The following LINGO2 variants were observed in gnomAD, a reference collection of about 807,000 sequenced individuals.
LINGO2 encodes leucine-rich repeat and immunoglobulin-like domain-containing nogo receptor-interacting protein 2.
Under a neutral mutation model 30.6 loss-of-function variants are expected in LINGO2, and 14 were observed. The observed-to-expected ratio is 0.46, with a 90% CI of 0.30 to 0.72. The LOEUF (loss-of-function observed/expected upper bound fraction) is 0.72. Among genes scored for constraint, LINGO2 ranks in the 30% least tolerant of loss-of-function variants. The pLI, the probability that LINGO2 is intolerant of heterozygous loss-of-function variation, is 0.07. For missense variants in LINGO2, 729 were observed against 751.7 expected (o/e 0.97, Z 0.35); for synonymous variants, 317 against 288.5 (o/e 1.10, Z -1.00).
chr9:28,735,102 T>C, the LINGO2 span, among the ~76,000 whole-genome samples: 2 of 152,186 alleles, frequency 1.3e-5, no homozygotes, highest in Non-Finnish European at 2.9e-5. Context: ...TGTCAAGATT[T>C]ATACTCTTTC....
intron 2 of LINGO2, among the ~76,000 whole-genome samples, chr9:28,407,686 A>G (rs954294340): frequency 6.6e-6 from 1 of 152,192 alleles, no homozygotes; most frequent in African/African-American, 2.4e-5. Context: ...AGGTTGAAAA[A>G]GCGGGGAGAA....
chr9:28,072,296 A>G (rs541224937), intron 4 of LINGO2, among the ~76,000 whole-genome samples: 1 of 152,342 alleles, frequency 6.6e-6, no homozygotes, highest in African/African-American at 2.4e-5. Flanking sequence ...TGCAGCTGCA[A>G]GCACACATTT....
At chr9:28,614,683 G>T (rs546105645) in intron 1 of LINGO2, among the ~76,000 whole-genome samples, 4 of 152,146 alleles carry the variant, frequency 2.6e-5, no homozygotes, top group African/African-American at 7.2e-5. Flanking sequence ...TAATTAATTT[G>T]CACCTCAAGC....
chr9:28,663,957 T>A (rs1828690265), intron 1 of LINGO2, among the ~76,000 whole-genome samples: 1 of 152,150 alleles, frequency 6.6e-6, no homozygotes, highest in African/African-American at 2.4e-5. Flanking sequence ...TTAAGTCCCT[T>A]ATTAAGACTG....
chr9:28,838,760 G>A, the LINGO2 span, among the ~76,000 whole-genome samples: 27 of 152,292 alleles, frequency 1.8e-4, no homozygotes, highest in African/African-American at 6.5e-4. Context: ...TGCGCCCACT[G>A]GCTGGGCTCA....
chr9:28,337,883 G>C (rs1254619754), intron 3 of LINGO2, among the ~76,000 whole-genome samples: 1 of 152,110 alleles, frequency 6.6e-6, no homozygotes, highest in African/African-American at 2.4e-5. Flanking sequence ...GGCCCTCATG[G>C]AGCACCTCTG....
chr9:28,259,945 G>A (rs549376541), intron 4 of LINGO2, among the ~76,000 whole-genome samples: 9 of 151,720 alleles, frequency 5.9e-5, no homozygotes, highest in South Asian at 2.1e-4. Flanking sequence ...TTGACCACCC[G>A]GCAAAAATGA....
At chr9:27,985,960 C>T (rs1821105036) in intron 5 of LINGO2, among the ~76,000 whole-genome samples, 1 of 151,838 alleles carries the variant, frequency 6.6e-6, no homozygotes, top group South Asian at 2.1e-4. Context: ...AGACACTTCT[C>T]ACTGGAAAAC....
the LINGO2 span, among the ~76,000 whole-genome samples, chr9:28,940,734 A>C: frequency 2.6e-5 from 4 of 152,150 alleles, no homozygotes; most frequent in African/African-American, 7.2e-5. Context: ...ATAACTATGA[A>C]GGATTGCTGA....
At position 28,271,285 on chromosome 9, in the gene LINGO2, A is replaced by T. The variant is rs534002794; in HGVS notation, c.-87+23923T>A. On this transcript the variant is annotated intron_variant, in intron 4 of 5. Transcript: ENST00000379992. ...TTACTACCTTTACATATATTCACTTATAAATGACTTTTTCCCACTAAGACA... is the reference window on the plus strand; with the variant it reads ...TTACTACCTTTACATATATTCACTTTTAAATGACTTTTTCCCACTAAGACA... 2.6e-5 allele frequency among the ~76,000 whole-genome samples: 4 copies of T among 152,268 alleles called. No homozygotes were observed. In the East Asian group the frequency reaches 7.7e-4, roughly 29 times the overall value.
chr9:29,021,800 A>T, the LINGO2 span, among the ~76,000 whole-genome samples: 53 of 152,228 alleles, frequency 3.5e-4, no homozygotes, highest in African/African-American at 1.3e-3. Context: ...ATAAATGTTG[A>T]TATTTTGTTT....
chr9:28,242,615 T>C (rs988613727), intron 4 of LINGO2, among the ~76,000 whole-genome samples: 2 of 151,988 alleles, frequency 1.3e-5, no homozygotes, highest in African/African-American at 4.8e-5. Context: ...ATTCGGGAAA[T>C]ACAGAGAACA....
At chr9:28,127,998 TA>T (rs1400691571) in intron 4 of LINGO2, among the ~76,000 whole-genome samples, 4 of 152,294 alleles carry the variant, frequency 2.6e-5, no homozygotes, top group African/African-American at 9.6e-5. Context: ...TGTCTCTATT[TA>T]AAAAATCAAA....
At chr9:29,189,909 G>C in the LINGO2 span, among the ~76,000 whole-genome samples, 5 of 151,646 alleles carry the variant, frequency 3.3e-5, no homozygotes, top group African/African-American at 1.2e-4. Context: ...GCACTCAGCA[G>C]GCTGAGGCAG....
At chr9:28,496,526 T>G (rs910515492) in intron 1 of LINGO2, among the ~76,000 whole-genome samples, 6 of 151,418 alleles carry the variant, frequency 4.0e-5, no homozygotes, top group Non-Finnish European at 7.4e-5. Flanking sequence ...TCTTCCTCCT[T>G]CCCTTTATTT....
chr9:28,186,187 G>C (rs1819535793), intron 4 of LINGO2, among the ~76,000 whole-genome samples: 1 of 152,082 alleles, frequency 6.6e-6, no homozygotes, highest in Admixed American at 6.5e-5. Context: ...ATCCTATAGG[G>C]GGATTGGAAA....
intron 5 of LINGO2, among the ~76,000 whole-genome samples, chr9:27,982,744 T>C (rs978991993): frequency 1.3e-5 from 2 of 151,890 alleles, no homozygotes; most frequent in Non-Finnish European, 2.9e-5. Flanking sequence ...AACCTGGATA[T>C]GAATCTTAGC....
At chr9:28,070,230 G>C (rs867902865) in intron 4 of LINGO2, among the ~76,000 whole-genome samples, 7 of 152,038 alleles carry the variant, frequency 4.6e-5, no homozygotes, top group Middle Eastern at 3.4e-3. Context: ...CTCAACCCTA[G>C]TCTATTAGTT....
the LINGO2 span, among the ~76,000 whole-genome samples, chr9:28,758,098 A>C: frequency 6.6e-6 from 1 of 152,062 alleles, no homozygotes; most frequent in African/African-American, 2.4e-5. Context: ...AAGCAGAAGG[A>C]AAGGACTGTT....
Sources: allele counts gnomAD v4.1 joint callset (sites outside exome capture counted in the v4.1 genomes callset), GRCh38; gene constraint gnomAD v4.1.1; transcripts MANE v1.5; gene names NCBI Gene and HGNC (gene_info 2026-07-23, HGNC 2026-07-21).